The following KIAA0319 variants were observed in gnomAD, a reference collection of about 807,000 sequenced individuals.
KIAA0319 encodes the protein KIAA0319.
KIAA0319 carries 83 observed loss-of-function variants against 108.4 expected under a neutral mutation model. That is an observed-to-expected ratio of 0.77 (90% confidence interval 0.64 to 0.92). The LOEUF (loss-of-function observed/expected upper bound fraction) is 0.92, where lower values mean the gene tolerates loss of function less well. KIAA0319 is among the 40% of genes least tolerant of loss of function. The pLI is 0.00. For synonymous variants in KIAA0319, 484 were observed against 510.4 expected, an observed-to-expected ratio of 0.95 and a Z score of 0.70; for missense variants, 1,195 against 1,322.4, an observed-to-expected ratio of 0.90 and a Z score of 1.49.
rs369942199 is a variant in KIAA0319 at position 24,544,812 on chromosome 6, G to C, written c.*2353C>G. 6.6e-6 allele frequency: 1 copy of C among 152,144 alleles called. No individual in the cohort carries two copies. Among genetic ancestry groups the C allele is most frequent in the Non-Finnish European group, 1.5e-5 (1 of 68,042 alleles). The allele number at this position is 152,144 out of a possible 1,614,324, so 9.4% of individuals were successfully genotyped here. A position where few individuals can be genotyped will look rare whatever the true frequency, so the allele number is the denominator to read the frequency against. ...GAATGCTGGTTGGTCATTCCATCTCGTGCTTTGTTCTGATGAGAAATGGGG... is the reference window on the plus strand; with the variant it reads ...GAATGCTGGTTGGTCATTCCATCTCCTGCTTTGTTCTGATGAGAAATGGGG... On this transcript the variant is annotated 3_prime_UTR_variant, in exon 21 of 21. Coordinates refer to ENST00000378214, the MANE Select transcript of KIAA0319 (RefSeq NM_014809.4).
intron 3 of KIAA0319, 88 bp downstream of exon 3, chr6:24,595,785 T>C: frequency 1.4e-6 from 2 of 1,435,520 alleles, no homozygotes; most frequent in Non-Finnish European, 1.9e-6. Context: ...ACAGCCTGAA[T>C]GAGTGCCCGG....
chr6:24,547,370 G>A, intron 20 of KIAA0319, 27 bp from the exon 21 acceptor site: 2 of 1,600,022 alleles, frequency 1.2e-6, no homozygotes, highest in South Asian at 1.1e-5. Flanking sequence ...AAGCATCTGA[G>A]GAGGAACGCC....
Position 24,576,299 on chromosome 6 carries a change from C to A in KIAA0319, c.1734+69G>T, listed in dbSNP as rs903075161. On this transcript the variant is annotated intron_variant, in intron 10 of 20. Coordinates refer to ENST00000378214, the MANE Select transcript of KIAA0319 (RefSeq NM_014809.4). ...TCTAAATTTAACTGCCTACCCCAAC[C>A]AATAGCACATAGCTAGGTAGACAGA... The A allele has an allele frequency of 7.2e-6, 9 of 1,244,526 alleles. No homozygotes were observed. The African/African-American group carries it at 1.2e-4, about 17-fold the overall frequency. 77.1% of individuals were successfully genotyped at this position (1,244,526 alleles called of 1,614,324 possible). A position where few individuals can be genotyped will look rare whatever the true frequency, so the allele number is the denominator to read the frequency against.
intron 1 of KIAA0319, among the ~76,000 whole-genome samples, chr6:24,603,737 T>G (rs1214035631): frequency 6.6e-6 from 1 of 152,080 alleles, no homozygotes; most frequent in Admixed American, 6.6e-5. Context: ...GGGCAGGAAA[T>G]AACCAGAAAG....
intron 1 of KIAA0319, among the ~76,000 whole-genome samples, chr6:24,640,077 T>A (rs1212760800): frequency 6.6e-6 from 1 of 151,838 alleles, no homozygotes; most frequent in Non-Finnish European, 1.5e-5. Flanking sequence ...AGGCTGCAAT[T>A]TTTTTTTATT....
downstream of KIAA0319, among the ~76,000 whole-genome samples, chr6:24,541,143 C>CA (rs200808574): frequency 2.0e-3 from 305 of 149,960 alleles, 1 homozygote; most frequent in African/African-American, 6.5e-3. Context: ...TATATACATG[C>CA]AAAAAAAAAG....
At chr6:24,596,984 C>T (rs1223001956) in intron 2 of KIAA0319, among the ~76,000 whole-genome samples, 1 of 152,064 alleles carries the variant, frequency 6.6e-6, no homozygotes, top group East Asian at 1.9e-4. Flanking sequence ...CCCTCCCATC[C>T]ATCCATCCAT....
chr6:24,598,903 T>G, intron 2 of KIAA0319: 1 of 384,966 alleles, frequency 2.6e-6, no homozygotes. Context: ...AGTAAAAAAA[T>G]AATTTTAGCG....
In KIAA0319 at chr6:24,599,804, C is replaced by T; in HGVS notation, c.55+1245G>A. The T allele has an allele frequency of 2.1e-6, 1 of 469,318 alleles. No homozygotes were observed. Among genetic ancestry groups the T allele is most frequent in the South Asian group, 1.8e-5 (1 of 55,486 alleles). 29.1% of individuals were successfully genotyped at this position (469,318 alleles called of 1,614,324 possible). A position where few individuals can be genotyped will look rare whatever the true frequency, so the allele number is the denominator to read the frequency against. The stretch of plus-strand genomic sequence containing the variant: ...TGCCCAAGTGAATGGCCACAGCAGC[C>T]CCTCCCAGCCTACCCCCTCCTGTGA... On this transcript the variant is annotated intron_variant, in intron 2 of 20. Transcript: ENST00000378214. The surrounding 1 kb of genome is among the most constrained non-coding windows in gnomAD (Gnocchi z 4.1).
Position 24,547,042 on chromosome 6 carries a change from C to T in KIAA0319, c.*123G>A. ...ACCGGTCTTTTAGTACGTGGGGATA[C>T]ACATCTAACCCACTGGGGAAGAAGG... On this transcript the variant is annotated 3_prime_UTR_variant, in exon 21 of 21. Coordinates refer to ENST00000378214, the MANE Select transcript of KIAA0319 (RefSeq NM_014809.4). 11 of 1,013,028 alleles carry T rather than the reference C, an allele frequency of 1.1e-5. No homozygotes were observed. Among genetic ancestry groups the T allele is most frequent in the Non-Finnish European group, 1.6e-5 (11 of 679,494 alleles). 62.8% of individuals were successfully genotyped at this position (1,013,028 alleles called of 1,614,324 possible).
chr6:24,559,195 G>C (rs1189497009), intron 16 of KIAA0319, 40 bp from the exon 17 acceptor site: 1 of 1,602,718 alleles, frequency 6.2e-7, no homozygotes, highest in East Asian at 2.2e-5. Flanking sequence ...CACATGGTCA[G>C]ATGGTGACTA....
At chr6:24,558,633 C>A (rs1762653838) in intron 17 of KIAA0319, among the ~76,000 whole-genome samples, 1 of 152,142 alleles carries the variant, frequency 6.6e-6, no homozygotes, top group Non-Finnish European at 1.5e-5. Context: ...TGCAAGCTGT[C>A]TTAAATTTTC....
chr6:24,562,399 T>G (rs1470529911), intron 16 of KIAA0319, among the ~76,000 whole-genome samples: 1 of 152,232 alleles, frequency 6.6e-6, no homozygotes, highest in Admixed American at 6.5e-5. Context: ...GGTGTTTTTC[T>G]AAGTGAACTT....
At chr6:24,630,983 G>T (rs1298777239) in intron 1 of KIAA0319, among the ~76,000 whole-genome samples, 1 of 152,212 alleles carries the variant, frequency 6.6e-6, no homozygotes, top group Admixed American at 6.5e-5. Flanking sequence ...GCCTCTTTCA[G>T]AGATCCAAAC....
chr6:24,620,843 T>C (rs1301251354), intron 1 of KIAA0319, among the ~76,000 whole-genome samples: 1 of 152,212 alleles, frequency 6.6e-6, no homozygotes, highest in East Asian at 1.9e-4. Context: ...CCTCCAAATA[T>C]AGTCACAGGG....
At chr6:24,591,156 A>C (rs1298784888) in intron 3 of KIAA0319, among the ~76,000 whole-genome samples, 1 of 152,172 alleles carries the variant, frequency 6.6e-6, no homozygotes, top group African/African-American at 2.4e-5. Flanking sequence ...GTTCAATGGC[A>C]CTATTTTATG....
At chr6:24,605,199 T>G (rs1483215130) in intron 1 of KIAA0319, among the ~76,000 whole-genome samples, 1 of 152,248 alleles carries the variant, frequency 6.6e-6, no homozygotes, top group Non-Finnish European at 1.5e-5. Context: ...CCTTCACCTA[T>G]ATTATCTTAT....
intron 16 of KIAA0319, among the ~76,000 whole-genome samples, chr6:24,561,083 G>T (rs908489623): frequency 2.6e-5 from 4 of 152,174 alleles, no homozygotes; most frequent in Admixed American, 2.6e-4. Flanking sequence ...TGCATTCCTG[G>T]GATAAATCCC....
intron 2 of KIAA0319, among the ~76,000 whole-genome samples, chr6:24,597,168 T>C (rs1769780211): frequency 6.6e-6 from 1 of 152,228 alleles, no homozygotes; most frequent in Non-Finnish European, 1.5e-5. Flanking sequence ...CTACATTGTA[T>C]TTATACTATT....
Sources: gnomAD v4.1 joint callset for allele counts (sites outside exome capture counted in the v4.1 genomes callset) on GRCh38, gnomAD v4.1.1 for gene constraint, Gnocchi (gnomAD v3.1) non-coding constraint, MANE v1.5 for transcripts, NCBI Gene and HGNC (gene_info 2026-07-23, HGNC 2026-07-21) for gene names.